Variants in SPMIP7 observed in about 807,000 individuals in gnomAD.
The protein encoded by SPMIP7 is protein SPMIP7.
At chr7:50,154,482 T>C in the SPMIP7 span, among the ~76,000 whole-genome samples, 4 of 152,240 alleles carry the variant, frequency 2.6e-5, no homozygotes, top group African/African-American at 9.6e-5. Flanking sequence ...ATTCCACATG[T>C]AAGTGAGATA....
chr7:50,121,908 C>T, the SPMIP7 span, among the ~76,000 whole-genome samples: 301 of 152,134 alleles, frequency 2.0e-3, 1 homozygote, highest in African/African-American at 7.0e-3. Context: ...CCTCCGGCCT[C>T]GACCTCCCAA....
the SPMIP7 span, among the ~76,000 whole-genome samples, chr7:50,127,635 A>G: frequency 2.1e-5 from 3 of 144,842 alleles, no homozygotes; most frequent in Non-Finnish European, 4.5e-5. Flanking sequence ...ATATATATAT[A>G]CTGATTAAAA....
the SPMIP7 span, among the ~76,000 whole-genome samples, chr7:50,113,217 G>GA: frequency 4.6e-3 from 695 of 151,596 alleles, 2 homozygotes; most frequent in African/African-American, 7.4e-3. Flanking sequence ...TTATTTGCTG[G>GA]AAAAAAAATC....
the SPMIP7 span, among the ~76,000 whole-genome samples, chr7:50,132,384 A>G: frequency 6.6e-6 from 1 of 152,158 alleles, no homozygotes; most frequent in African/African-American, 2.4e-5. Flanking sequence ...TAAAAATTCC[A>G]GTGATCATCT....
At chr7:50,101,286 T>C in the SPMIP7 span, among the ~76,000 whole-genome samples, 2 of 152,232 alleles carry the variant, frequency 1.3e-5, no homozygotes, top group Admixed American at 6.5e-5. Context: ...TCAGTCACTA[T>C]CCTGTGAAAG....
chr7:50,114,008 A>G, the SPMIP7 span, among the ~76,000 whole-genome samples: 1 of 152,172 alleles, frequency 6.6e-6, no homozygotes, highest in Non-Finnish European at 1.5e-5. Flanking sequence ...AAATAAATGC[A>G]CATATTTTAA....
the SPMIP7 span, among the ~76,000 whole-genome samples, chr7:50,099,476 G>T: frequency 6.6e-6 from 1 of 152,246 alleles, no homozygotes; most frequent in African/African-American, 2.4e-5. Context: ...TTGACTCTCT[G>T]TGTAGGTGTT....
chr7:50,131,048 A>T, the SPMIP7 span, among the ~76,000 whole-genome samples: 1 of 152,168 alleles, frequency 6.6e-6, no homozygotes. Flanking sequence ...TCAGACTTAT[A>T]CAAGAAGGTA....
the SPMIP7 span, among the ~76,000 whole-genome samples, chr7:50,145,454 T>C: frequency 2.1e-4 from 31 of 149,828 alleles, no homozygotes; most frequent in African/African-American, 7.1e-4. Flanking sequence ...AACATAAAAA[T>C]TGAATCATCT....
the SPMIP7 span, among the ~76,000 whole-genome samples, chr7:50,100,170 G>A: frequency 6.6e-6 from 1 of 152,140 alleles, no homozygotes; most frequent in Non-Finnish European, 1.5e-5. Flanking sequence ...CCAGTCCTCT[G>A]GGGAGCTCCC....
chr7:50,148,094 T>C, the SPMIP7 span, among the ~76,000 whole-genome samples: 2 of 152,212 alleles, frequency 1.3e-5, no homozygotes. Context: ...CTCCTCTTAA[T>C]ATAAGGTCGC....
the SPMIP7 span, among the ~76,000 whole-genome samples, chr7:50,102,110 G>T: frequency 6.6e-6 from 1 of 152,160 alleles, no homozygotes; most frequent in Non-Finnish European, 1.5e-5. Context: ...GATTATCTGA[G>T]GTCGGGACTT....
At chr7:50,147,123 A>C in the SPMIP7 span, among the ~76,000 whole-genome samples, 1 of 152,226 alleles carries the variant, frequency 6.6e-6, no homozygotes, top group Non-Finnish European at 1.5e-5. Flanking sequence ...TTTTAAATTA[A>C]AAGTATTAGT....
At chr7:50,151,571 C>T in the SPMIP7 span, 183 of 1,503,372 alleles carry the variant, frequency 1.2e-4, no homozygotes, top group African/African-American at 2.0e-3. Flanking sequence ...AGTATGAATC[C>T]TATTACTCAA....
the SPMIP7 span, among the ~76,000 whole-genome samples, chr7:50,111,094 A>G: frequency 6.8e-6 from 1 of 146,584 alleles, no homozygotes; most frequent in South Asian, 2.1e-4. Context: ...ATTATATTAT[A>G]TGTGTATATG....
chr7:50,140,404 G>T, the SPMIP7 span, among the ~76,000 whole-genome samples: 2 of 152,186 alleles, frequency 1.3e-5, no homozygotes, highest in Non-Finnish European at 2.9e-5. Context: ...AAGAAGGAAG[G>T]AAGGAAAGAA....
At chr7:50,133,417 C>A in the SPMIP7 span, among the ~76,000 whole-genome samples, 2 of 152,098 alleles carry the variant, frequency 1.3e-5, no homozygotes, top group Non-Finnish European at 2.9e-5. Context: ...AATAGCTGAC[C>A]TTAAGCAAAG....
At chr7:50,151,419 C>A in the SPMIP7 span, 1 of 1,445,600 alleles carries the variant, frequency 6.9e-7, no homozygotes, top group Non-Finnish European at 9.4e-7. Flanking sequence ...TTAATTTCCT[C>A]TTTTCCTCCT....
the SPMIP7 span, chr7:50,117,294 G>A: frequency 3.5e-5 from 16 of 455,290 alleles, no homozygotes; most frequent in South Asian, 1.9e-4. Context: ...ACATATTATA[G>A]CCTGTGATTG....
Sources: allele counts gnomAD v4.1 joint callset (sites outside exome capture counted in the v4.1 genomes callset), GRCh38; gene constraint gnomAD v4.1.1; transcripts MANE v1.5; gene names NCBI Gene and HGNC (gene_info 2026-07-23, HGNC 2026-07-21).